GTF2B: variants seen among roughly 807,000 people sequenced by gnomAD.
GTF2B encodes the protein transcription initiation factor IIB.
A neutral mutation model predicts 34.6 loss-of-function variants in GTF2B; 20 were observed. The observed-to-expected ratio is 0.58, with a 90% CI of 0.41 to 0.84. GTF2B has a LOEUF of 0.84. Among genes scored for constraint, GTF2B ranks in the 40% least tolerant of loss-of-function variants. The pLI is 0.00. For missense variants in GTF2B, 237 were observed against 393.3 expected, an observed-to-expected ratio of 0.60 and a Z score of 3.36; for synonymous variants, 142 against 132.4, an observed-to-expected ratio of 1.07 and a Z score of -0.50.
chr1:88,857,945 G>A (rs1250584486), intron 5 of GTF2B, among the ~76,000 whole-genome samples: 3 of 151,768 alleles, frequency 2.0e-5, no homozygotes, highest in Non-Finnish European at 2.9e-5. Context: ...GCCTCCCAAA[G>A]TGCTGAGATT....
intron 2 of GTF2B, among the ~76,000 whole-genome samples, chr1:88,883,307 A>G (rs1479001511): frequency 1.3e-5 from 2 of 152,364 alleles, no homozygotes; most frequent in African/African-American, 4.8e-5. Context: ...CCCCGAGTTC[A>G]GAAAAATCAC....
At chr1:88,886,984 T>G (rs1235006063) in intron 2 of GTF2B, among the ~76,000 whole-genome samples, 12 of 152,162 alleles carry the variant, frequency 7.9e-5, no homozygotes, top group Non-Finnish European at 1.6e-4. Flanking sequence ...AGTGGCACGA[T>G]CTCGGCTCAC....
chr1:88,888,366 C>T (rs771458494), intron 1 of GTF2B, among the ~76,000 whole-genome samples: 4 of 152,172 alleles, frequency 2.6e-5, no homozygotes, highest in Non-Finnish European at 4.4e-5. Flanking sequence ...CCCCCCTAAA[C>T]TTATCTAGTC....
rs1338067422 is a variant in GTF2B at position 88,852,708 on chromosome 1, A to G, written c.*505T>C. On this transcript the variant is annotated 3_prime_UTR_variant, in exon 7 of 7. Transcript: ENST00000370500. ...CCAAGCTCATCACTTCTTGTTTAAT[A>G]ATATACATAATAAATCTCACATACA... Among the ~76,000 whole-genome samples, 1 of 145,218 alleles carries G rather than the reference A, an allele frequency of 6.9e-6. No individual in the cohort carries two copies. Among genetic ancestry groups the G allele is most frequent in the Non-Finnish European group, 1.5e-5 (1 of 67,964 alleles).
intron 2 of GTF2B, among the ~76,000 whole-genome samples, chr1:88,882,310 CAAAAAAAAAAAAAAAA>C (rs59699371): frequency 8.3e-5 from 3 of 36,020 alleles, no homozygotes; most frequent in South Asian, 1.8e-3. Flanking sequence ...ACTCTCACTC[CAAAAAAAAAAAAAAAA>C]AAAAAAAAAA....
chr1:88,863,943 C>T (rs762433077), intron 3 of GTF2B, 38 bp downstream of exon 3: 6 of 1,601,566 alleles, frequency 3.7e-6, no homozygotes, highest in Non-Finnish European at 5.1e-6. Context: ...TCTATGGTCA[C>T]TCTGCAATTG....
chr1:88,879,055 G>A (rs1443854378), intron 2 of GTF2B, among the ~76,000 whole-genome samples: 1 of 152,142 alleles, frequency 6.6e-6, no homozygotes, highest in African/African-American at 2.4e-5. Context: ...GAGGTAGTTT[G>A]TAATGTAACT....
In GTF2B at chr1:88,885,645, G is replaced by C. The variant is rs145949036; in HGVS notation, c.124+1616C>G. Reference sequence around the variant, plus strand: ...CATGCCTGTAATCCCAGCTACTTGGGAGGCTGAGGCAGGAGAATCACTTGA... The same window carrying C: ...CATGCCTGTAATCCCAGCTACTTGGCAGGCTGAGGCAGGAGAATCACTTGA... On this transcript the variant is annotated intron_variant, in intron 2 of 6. Transcript: ENST00000370500. Among the ~76,000 whole-genome samples, 1,077 of 152,128 alleles carry C rather than the reference G, an allele frequency of 7.1e-3. 14 individuals carry two copies. Among genetic ancestry groups the C allele is most frequent in the African/African-American group, 0.025 (1,028 of 41,476 alleles).
At chr1:88,871,352 A>G (rs1673690715) in intron 2 of GTF2B, among the ~76,000 whole-genome samples, 1 of 152,206 alleles carries the variant, frequency 6.6e-6, no homozygotes, top group African/African-American at 2.4e-5. Flanking sequence ...TCTTATTCAC[A>G]TTACATGTCT....
intron 2 of GTF2B, among the ~76,000 whole-genome samples, chr1:88,873,847 G>A (rs79265978): frequency 1.5e-3 from 224 of 152,182 alleles, no homozygotes; most frequent in African/African-American, 5.2e-3. Flanking sequence ...ACCACATGGC[G>A]TACCTAGCTA....
intron 1 of GTF2B, among the ~76,000 whole-genome samples, chr1:88,889,467 C>A (rs1335965113): frequency 6.6e-6 from 1 of 152,210 alleles, no homozygotes; most frequent in Non-Finnish European, 1.5e-5. Flanking sequence ...TTATAGCTAT[C>A]ATTTATTGGG....
intron 2 of GTF2B, among the ~76,000 whole-genome samples, chr1:88,880,558 T>C (rs1043488329): frequency 3.2e-4 from 48 of 152,348 alleles, no homozygotes; most frequent in African/African-American, 1.0e-3. Flanking sequence ...ATATAAATAC[T>C]GGAGGCACTG....
chr1:88,854,589 G>A (rs1673259792), intron 6 of GTF2B, among the ~76,000 whole-genome samples: 1 of 152,076 alleles, frequency 6.6e-6, no homozygotes, highest in South Asian at 2.1e-4. Context: ...TACAACCTCT[G>A]CCTCCCCGGT....
chr1:88,859,637 A>G (rs1570719230), intron 5 of GTF2B, among the ~76,000 whole-genome samples: 1 of 152,276 alleles, frequency 6.6e-6, no homozygotes, highest in East Asian at 1.9e-4. Context: ...GAAGTTTGAG[A>G]CCAGCCTGGC....
intron 2 of GTF2B, among the ~76,000 whole-genome samples, chr1:88,883,485 C>A (rs1673991219): frequency 6.6e-6 from 1 of 151,742 alleles, no homozygotes; most frequent in Non-Finnish European, 1.5e-5. Flanking sequence ...GAGATCAAGG[C>A]AAAAAGATCA....
chr1:88,869,950 TG>T (rs1255010951), intron 2 of GTF2B, among the ~76,000 whole-genome samples: 1 of 144,226 alleles, frequency 6.9e-6, no homozygotes, highest in African/African-American at 2.6e-5. Context: ...TTTCTTGAGA[TG>T]GAGTTTCGCC....
intron 2 of GTF2B, among the ~76,000 whole-genome samples, chr1:88,864,548 G>A (rs1423414669): frequency 6.6e-6 from 1 of 152,140 alleles, no homozygotes; most frequent in Non-Finnish European, 1.5e-5. Flanking sequence ...GAAATGCTTC[G>A]CAGAAAATAA....
intron 2 of GTF2B, among the ~76,000 whole-genome samples, chr1:88,866,962 C>G (rs1437031348): frequency 2.6e-5 from 4 of 152,148 alleles, no homozygotes; most frequent in African/African-American, 9.7e-5. Flanking sequence ...AAGGATTTAT[C>G]TGTTTCCTCT....
chr1:88,856,576 G>T (rs1378670218), intron 6 of GTF2B, among the ~76,000 whole-genome samples: 2 of 151,988 alleles, frequency 1.3e-5, no homozygotes, highest in African/African-American at 4.8e-5. Flanking sequence ...ATTTAAAAAG[G>T]TAAGTTTGGA....
Sources: gnomAD v4.1 joint callset for allele counts (sites outside exome capture counted in the v4.1 genomes callset) on GRCh38, gnomAD v4.1.1 for gene constraint, MANE v1.5 for transcripts, NCBI Gene and HGNC (gene_info 2026-07-23, HGNC 2026-07-21) for gene names.